HDAC4: variants seen among roughly 807,000 people sequenced by gnomAD.
HDAC4 encodes histone deacetylase 4.
Under a neutral mutation model 135.1 loss-of-function variants are expected in HDAC4, and 16 were observed. That is an observed-to-expected ratio of 0.12 (90% CI 0.08 to 0.18). The LOEUF is 0.18. HDAC4 is among the 10% of genes least tolerant of loss of function. HDAC4 has a pLI of 1.00. For synonymous variants in HDAC4, 685 were observed against 653.4 expected, an observed-to-expected ratio of 1.05 and a Z score of -0.74; for missense variants, 1,143 against 1,511.8, an observed-to-expected ratio of 0.76 and a Z score of 4.05.
intron 2 of HDAC4, chr2:239,298,326 T>C: frequency 8.1e-7 from 1 of 1,227,730 alleles, no homozygotes. Flanking sequence ...GGGCATCACG[T>C]GGAGATGAGA....
At chr2:239,213,666 C>T (rs1479957882) in intron 3 of HDAC4, among the ~76,000 whole-genome samples, 1 of 152,234 alleles carries the variant, frequency 6.6e-6, no homozygotes, top group Non-Finnish European at 1.5e-5. Context: ...GAAAACCCAG[C>T]ATCAGGGTTC....
intron 3 of HDAC4, among the ~76,000 whole-genome samples, chr2:239,194,727 C>G (rs1380600684): frequency 6.6e-6 from 1 of 152,248 alleles, no homozygotes; most frequent in African/African-American, 2.4e-5. Flanking sequence ...ATGCAGACTG[C>G]AGCTGGGAAG....
chr2:239,228,446 A>G (rs1025617649), intron 3 of HDAC4, among the ~76,000 whole-genome samples: 9 of 152,160 alleles, frequency 5.9e-5, no homozygotes, highest in African/African-American at 2.2e-4. Flanking sequence ...GTGCAAATAC[A>G]GGCTGTGTAC....
At chr2:239,124,073 G>A (rs1008536711) in intron 12 of HDAC4, among the ~76,000 whole-genome samples, 2 of 152,090 alleles carry the variant, frequency 1.3e-5, no homozygotes, top group African/African-American at 4.8e-5. Context: ...TCCGTCTGTC[G>A]CCAAATCTGC....
At chr2:239,083,297 A>G (rs140587940) in intron 20 of HDAC4, among the ~76,000 whole-genome samples, 2 of 152,000 alleles carry the variant, frequency 1.3e-5, no homozygotes, top group South Asian at 4.1e-4. Context: ...CTTCCCAGGC[A>G]CTCCTACCTG....
intron 2 of HDAC4, among the ~76,000 whole-genome samples, chr2:239,284,450 C>A (rs2051016953): frequency 1.3e-5 from 2 of 152,198 alleles, no homozygotes. Context: ...CATCGCAGAG[C>A]TGCCTCCCTG....
chr2:239,149,517 C>T (rs555755911), intron 7 of HDAC4, among the ~76,000 whole-genome samples: 2 of 152,130 alleles, frequency 1.3e-5, no homozygotes, highest in Admixed American at 6.5e-5. Flanking sequence ...AAGACGATGC[C>T]CCACAGAAGA....
rs746690708 is a variant in HDAC4, at chr2:239,134,409, G to C, written c.1130C>G (p.Thr377Ser). ...GAGCCTCTGCTGGAGGGCGGGAAGGGTGAGTCTCTCGGCGTCCTGCTGGCC... is the reference window on the plus strand; with the variant it reads ...GAGCCTCTGCTGGAGGGCGGGAAGGCTGAGTCTCTCGGCGTCCTGCTGGCC... Reference protein sequence around the residue: ...TAGQQDAERLTLPALQQRLSL... With the variant: ...TAGQQDAERLSLPALQQRLSL... The change falls in exon 11 of 27, where the codon ACC (threonine) becomes AGC (serine). Residue 377 changes from threonine to serine, a missense_variant. Transcript: ENST00000543185. The C allele has an allele frequency of 2.5e-6, 4 of 1,613,698 alleles. No homozygotes were observed. The Admixed American group carries it at 6.7e-5, about 27-fold the overall frequency.
intron 16 of HDAC4, among the ~76,000 whole-genome samples, chr2:239,101,999 TTC>T (rs1405000226): frequency 2.0e-5 from 3 of 146,784 alleles, no homozygotes; most frequent in Admixed American, 6.8e-5. Context: ...TGGGTCCACG[TTC>T]TGTGCCCTGG....
rs1005307814 is a variant in HDAC4, at chr2:239,162,744, G to A, written c.611+1059C>T. 4.6e-5 allele frequency among the ~76,000 whole-genome samples: 7 copies of A among 152,270 alleles called. No individual in the cohort carries two copies. The South Asian group carries it at 8.3e-4, about 18-fold the overall frequency. ...CTTATGTGCCACTGGCAAGCACAGC[G>A]GCTGCCAGAGTGGAGGACGTGGGCC... On this transcript the variant is annotated intron_variant, in intron 6 of 26. Coordinates refer to ENST00000543185, the MANE Select transcript of HDAC4 (RefSeq NM_001378414.1).
intron 2 of HDAC4, among the ~76,000 whole-genome samples, chr2:239,244,618 T>C (rs552237239): frequency 1.3e-5 from 2 of 152,294 alleles, no homozygotes; most frequent in South Asian, 4.1e-4. Flanking sequence ...GGCTGAAATG[T>C]CATGGCTTGG....
chr2:239,391,126 T>C (rs1696175226), intron 1 of HDAC4, among the ~76,000 whole-genome samples: 1 of 152,142 alleles, frequency 6.6e-6, no homozygotes, highest in Non-Finnish European at 1.5e-5. Context: ...GGACATGCCA[T>C]AGCAGCTGAG....
intron 3 of HDAC4, among the ~76,000 whole-genome samples, chr2:239,218,156 T>C (rs1241166952): frequency 7.6e-6 from 1 of 131,278 alleles, no homozygotes; most frequent in Non-Finnish European, 1.7e-5. Flanking sequence ...ATATGTCCAT[T>C]TTATCAACAT....
chr2:239,108,264 T>G (rs555306512), intron 14 of HDAC4, 81 bp from the exon 15 acceptor site: 1 of 1,515,284 alleles, frequency 6.6e-7, no homozygotes, highest in Non-Finnish European at 9.0e-7. Flanking sequence ...CCCCGGGTGG[T>G]GGCGGAACCA....
intron 2 of HDAC4, among the ~76,000 whole-genome samples, chr2:239,243,459 T>C (rs1319488806): frequency 1.3e-5 from 2 of 152,126 alleles, no homozygotes; most frequent in African/African-American, 4.8e-5. Context: ...GCTGGATAAA[T>C]TAACATTCTA....
At chr2:239,078,669 G>A (rs1279352577) in intron 22 of HDAC4, among the ~76,000 whole-genome samples, 2 of 152,208 alleles carry the variant, frequency 1.3e-5, no homozygotes, top group African/African-American at 4.8e-5. Context: ...AGAAAGGCAC[G>A]TTCATCCTAA....
intron 2 of HDAC4, among the ~76,000 whole-genome samples, chr2:239,334,110 C>T (rs1304217939): frequency 3.3e-5 from 5 of 152,038 alleles, no homozygotes; most frequent in South Asian, 2.1e-4. Flanking sequence ...AAACACTGTG[C>T]GAGGTATCTG....
rs759438761 is a variant in HDAC4, at chr2:239,090,074, C to T, written c.2323G>A (p.Ala775Thr). 3 of 1,613,718 alleles carry T rather than the reference C, an allele frequency of 1.9e-6. No individual in the cohort carries two copies. Among genetic ancestry groups the T allele is most frequent in the Non-Finnish European group, 8.5e-7 (1 of 1,179,880 alleles). ...ACGCAGCCCACAGCCAGGCGGGCTG[C>T]CCCCGCCGAGTGCACCTCGTTCCAT... ...TIWNEVHSAG[A>T]ARLAVGCVVE... is the part of the protein sequence containing the mutation. Residue 775 changes from alanine to threonine, a missense_variant, in exon 18 of 27, where the codon GCA (alanine) becomes ACA (threonine). By Grantham distance (58) the Ala-to-Thr change is moderately conservative (BLOSUM62 0). This residue lies in a region of HDAC4 where 49 missense variants were observed against 55.6 expected (regional missense o/e 0.88). Coordinates refer to ENST00000543185, the MANE Select transcript of HDAC4 (RefSeq NM_001378414.1).
At chr2:239,135,609 A>G (rs1300497650) in intron 9 of HDAC4, among the ~76,000 whole-genome samples, 1 of 152,232 alleles carries the variant, frequency 6.6e-6, no homozygotes, top group Admixed American at 6.5e-5. Flanking sequence ...TCTATGTCAA[A>G]GGCCTTCAAA....
Sources: allele counts gnomAD v4.1 joint callset (sites outside exome capture counted in the v4.1 genomes callset), GRCh38; gene constraint gnomAD v4.1.1; regional missense constraint gnomAD v4.1.1; transcripts MANE v1.5; gene names NCBI Gene and HGNC (gene_info 2026-07-23, HGNC 2026-07-21).